Variants in TMPRSS15 observed in about 807,000 individuals in gnomAD.
TMPRSS15 encodes enteropeptidase.
In TMPRSS15, 128 loss-of-function variants were observed where a neutral mutation model predicts 125.3. That is an observed-to-expected ratio of 1.02 (90% CI 0.89 to 1.18). TMPRSS15 has a LOEUF of 1.18. TMPRSS15 is among the 50% of genes most tolerant of loss of function. The probability of loss-of-function intolerance (pLI) is 0.00; values close to 1 mark genes in which losing one functional copy is unlikely to be tolerated. For missense variants in TMPRSS15, 1,283 were observed against 1,212.7 expected (o/e 1.06, Z -0.86); for synonymous variants, 446 against 423.2 (o/e 1.05, Z -0.66).
At chr21:18,383,211 C>T (rs1469363043) in intron 4 of TMPRSS15, among the ~76,000 whole-genome samples, 1 of 146,220 alleles carries the variant, frequency 6.8e-6, no homozygotes, top group Non-Finnish European at 1.5e-5. Flanking sequence ...GCATAAGACC[C>T]ACAAACTTCT....
chr21:18,466,075 T>G (rs144938671), intron 1 of TMPRSS15, among the ~76,000 whole-genome samples: 1 of 152,032 alleles, frequency 6.6e-6, no homozygotes, highest in African/African-American at 2.4e-5. Context: ...TATAGACCAA[T>G]GGAACAGGAA....
At chr21:18,289,294 C>G (rs771373666) in intron 21 of TMPRSS15, among the ~76,000 whole-genome samples, 2 of 152,140 alleles carry the variant, frequency 1.3e-5, no homozygotes, top group Non-Finnish European at 2.9e-5. Flanking sequence ...GGGCGGATCA[C>G]CTGAGGTTGG....
chr21:18,382,947 A>T (rs1249975307), intron 4 of TMPRSS15, among the ~76,000 whole-genome samples: 1 of 152,058 alleles, frequency 6.6e-6, no homozygotes, highest in African/African-American at 2.4e-5. Flanking sequence ...TTCTTATGTT[A>T]AAATTATTTA....
chr21:18,277,285 C>A (rs537861753), intron 23 of TMPRSS15, among the ~76,000 whole-genome samples: 1 of 151,858 alleles, frequency 6.6e-6, no homozygotes, highest in Non-Finnish European at 1.5e-5. Context: ...AATAAGTAAA[C>A]GTAAGTCACA....
intron 18 of TMPRSS15, among the ~76,000 whole-genome samples, chr21:18,303,676 C>T (rs887897056): frequency 2.0e-5 from 3 of 152,132 alleles, no homozygotes; most frequent in Non-Finnish European, 4.4e-5. Flanking sequence ...TGAAAACATA[C>T]TCTCTTGTTT....
At chr21:18,484,334 T>C (rs1478612955) in intron 1 of TMPRSS15, among the ~76,000 whole-genome samples, 4 of 151,846 alleles carry the variant, frequency 2.6e-5, no homozygotes, top group African/African-American at 9.7e-5. Flanking sequence ...CTTTTATCTC[T>C]TGTATTAGGC....
chr21:18,456,442 C>A (rs1307818730), intron 1 of TMPRSS15, among the ~76,000 whole-genome samples: 2 of 151,996 alleles, frequency 1.3e-5, no homozygotes, highest in Admixed American at 6.6e-5. Context: ...CACACAAAGC[C>A]CACTTATTTT....
At chr21:18,294,203 A>C in intron 21 of TMPRSS15, 67 bp downstream of exon 21, 1 of 1,590,306 alleles carries the variant, frequency 6.3e-7, no homozygotes. Flanking sequence ...GCTGCATGAA[A>C]TGGGACGCTT....
chr21:18,333,927 C>G (rs2075367720), intron 13 of TMPRSS15, among the ~76,000 whole-genome samples: 1 of 151,896 alleles, frequency 6.6e-6, no homozygotes. Context: ...TAAAACAAGA[C>G]CAAAAGAAGA....
chr21:18,457,469 C>T (rs546580563), intron 1 of TMPRSS15, among the ~76,000 whole-genome samples: 22 of 152,112 alleles, frequency 1.4e-4, no homozygotes, highest in African/African-American at 5.1e-4. Context: ...ATTAAAAACC[C>T]TAGATAGTAT....
At chr21:18,441,727 G>A (rs574766798) in intron 1 of TMPRSS15, among the ~76,000 whole-genome samples, 213 of 149,420 alleles carry the variant, frequency 1.4e-3, no homozygotes, top group Non-Finnish European at 2.6e-3. Context: ...GTCTCACTCT[G>A]TTGCCCAGAC....
chr21:18,273,496 T>C (rs992390493), intron 24 of TMPRSS15, among the ~76,000 whole-genome samples: 1 of 152,186 alleles, frequency 6.6e-6, no homozygotes, highest in African/African-American at 2.4e-5. Context: ...GACTTCTTGC[T>C]TACCAAGGAA....
chr21:18,403,643 T>G lies in TMPRSS15; in HGVS notation c.-21A>C, dbSNP rs2076118121. On this transcript the variant is annotated 5_prime_UTR_variant, in exon 1 of 25. Coordinates refer to ENST00000284885, the MANE Select transcript of TMPRSS15 (RefSeq NM_002772.3). ...CCCATTTTTGGTTTTGAAGGCTTGC[T>G]AATTTAAGAACTGAAAGAGAATATA... 5.0e-6 allele frequency: 8 copies of G among 1,613,836 alleles called. No individual in the cohort carries two copies. Among genetic ancestry groups the G allele is most frequent in the Non-Finnish European group, 6.8e-6 (8 of 1,179,862 alleles).
At chr21:18,369,246 A>G (rs1050988378) in intron 6 of TMPRSS15, among the ~76,000 whole-genome samples, 2 of 152,150 alleles carry the variant, frequency 1.3e-5, no homozygotes, top group Non-Finnish European at 2.9e-5. Context: ...ATATTCACTA[A>G]TTGTGTCTTT....
intron 18 of TMPRSS15, among the ~76,000 whole-genome samples, chr21:18,301,503 T>G (rs982685312): frequency 6.6e-6 from 1 of 152,164 alleles, no homozygotes; most frequent in African/African-American, 2.4e-5. Flanking sequence ...TCAGAGGAAA[T>G]GTATTATATT....
At chr21:18,277,650 G>T (rs1017248037) in intron 23 of TMPRSS15, among the ~76,000 whole-genome samples, 1 of 152,176 alleles carries the variant, frequency 6.6e-6, no homozygotes, top group African/African-American at 2.4e-5. Context: ...TTAGAACTTT[G>T]TGCTTTCTCT....
At chr21:18,372,520 T>A (rs370202723) in intron 5 of TMPRSS15, among the ~76,000 whole-genome samples, 196 bp from the exon 6 acceptor site, 4 of 152,304 alleles carry the variant, frequency 2.6e-5, no homozygotes, top group African/African-American at 7.2e-5. Flanking sequence ...TGTGGGGCAA[T>A]TTTGGAAAGC....
chr21:18,434,130 T>C (rs2076222874), intron 1 of TMPRSS15, among the ~76,000 whole-genome samples: 1 of 152,182 alleles, frequency 6.6e-6, no homozygotes, highest in African/African-American at 2.4e-5. Flanking sequence ...TTGGCTAGTA[T>C]CAACCTTCTA....
chr21:18,381,815 G>T (rs1267925615), intron 4 of TMPRSS15, among the ~76,000 whole-genome samples: 1 of 151,942 alleles, frequency 6.6e-6, no homozygotes, highest in Non-Finnish European at 1.5e-5. Flanking sequence ...TGACAACTTT[G>T]GGGCCTGTTG....
Sources: allele counts gnomAD v4.1 joint callset (sites outside exome capture counted in the v4.1 genomes callset), GRCh38; gene constraint gnomAD v4.1.1; transcripts MANE v1.5; gene names NCBI Gene and HGNC (gene_info 2026-07-23, HGNC 2026-07-21).